Variants in CTDSPL observed in about 807,000 individuals in gnomAD.
The protein encoded by CTDSPL is CTD small phosphatase-like protein.
Under a neutral mutation model 30.5 loss-of-function variants are expected in CTDSPL, and 8 were observed. That is an observed-to-expected ratio of 0.26 (90% CI 0.15 to 0.47). CTDSPL has a LOEUF of 0.47. Among genes scored for constraint, CTDSPL ranks in the 20% least tolerant of loss-of-function variants. The pLI is 0.99. For synonymous variants in CTDSPL, 110 were observed against 137.9 expected, an observed-to-expected ratio of 0.80 and a Z score of 1.42; for missense variants, 248 against 366.1, an observed-to-expected ratio of 0.68 and a Z score of 2.63.
In CTDSPL at chr3:37,964,626, G is replaced by A. The variant is rs923359918; in HGVS notation, c.323G>A (p.Cys108Tyr). 1 of 1,613,894 alleles carries A rather than the reference G, an allele frequency of 6.2e-7. No homozygotes were observed. The highest frequency in any genetic ancestry group is 8.5e-7 in the Non-Finnish European group (1 of 1,179,960). ...EVTVLDYGKK[C>Y]VVIDLDETLV... ...ACGGTGCTTGACTATGGAAAGAAAT[G>A]TGTGGTCATTGATTTAGATGAAACA... Residue 108 changes from cysteine to tyrosine, a missense_variant, in exon 4 of 8, where the codon TGT becomes TAT. By Grantham distance (194) the Cys-to-Tyr change is radical. Around this residue, in one of 4 missense-constraint regions of CTDSPL, gnomAD observed 45 missense variants for 83.1 expected, o/e 0.54. Coordinates refer to ENST00000273179, the MANE Select transcript of CTDSPL (RefSeq NM_001008392.2).
intron 1 of CTDSPL, among the ~76,000 whole-genome samples, chr3:37,871,449 T>C (rs1475906858): frequency 6.6e-6 from 1 of 152,084 alleles, no homozygotes; most frequent in Admixed American, 6.5e-5. Flanking sequence ...GATTTAAGTT[T>C]TCAGCTCTTT....
At chr3:37,953,965 A>G (rs1255314027) in intron 2 of CTDSPL, among the ~76,000 whole-genome samples, 5 of 152,230 alleles carry the variant, frequency 3.3e-5, no homozygotes, top group Non-Finnish European at 7.3e-5. Context: ...ACCAAAGTTG[A>G]TTCAAATCAT....
At chr3:37,869,261 T>G (rs1036886574) in intron 1 of CTDSPL, among the ~76,000 whole-genome samples, 16 of 152,068 alleles carry the variant, frequency 1.1e-4, no homozygotes, top group African/African-American at 3.1e-4. Flanking sequence ...TCTCAAACAT[T>G]TATCATTTCT....
At chr3:37,973,532 T>C (rs1359027120) in intron 6 of CTDSPL, among the ~76,000 whole-genome samples, 2 of 152,152 alleles carry the variant, frequency 1.3e-5, no homozygotes, top group African/African-American at 4.8e-5. Context: ...CCTTCCACCC[T>C]CTTTCCTCGC....
rs542225637 is a variant in CTDSPL, at chr3:37,903,486, A to G, written c.79+41208A>G. On this transcript the variant is annotated intron_variant, in intron 1 of 7. Transcript: ENST00000273179. The stretch of plus-strand genomic sequence containing the variant: ...GATTCTGGTAACACAGGATGTGTGA[A>G]CTTATGTTCATTGACCAGGACCTGA... 2.0e-5 allele frequency among the ~76,000 whole-genome samples: 3 copies of G among 152,304 alleles called. No individual in the cohort carries two copies. The South Asian group carries it at 6.2e-4, about 32-fold the overall frequency.
At chr3:37,885,512 C>G (rs1265287570) in intron 1 of CTDSPL, among the ~76,000 whole-genome samples, 4 of 152,082 alleles carry the variant, frequency 2.6e-5, no homozygotes, top group Non-Finnish European at 5.9e-5. Flanking sequence ...ATGAAGAGAC[C>G]TAGTAGTGTC....
chr3:37,864,341 A>G (rs1434695006), intron 1 of CTDSPL, among the ~76,000 whole-genome samples: 3 of 152,222 alleles, frequency 2.0e-5, no homozygotes, highest in African/African-American at 4.8e-5. Flanking sequence ...AATCCAAACC[A>G]TGTACAAATA....
At chr3:37,973,531 C>G (rs1699391805) in intron 6 of CTDSPL, among the ~76,000 whole-genome samples, 1 of 152,238 alleles carries the variant, frequency 6.6e-6, no homozygotes. Flanking sequence ...GCCTTCCACC[C>G]TCTTTCCTCG....
rs561772283 is a variant in CTDSPL at position 37,957,494 on chromosome 3, G to A, written c.267+351G>A. On this transcript the variant is annotated intron_variant, in intron 3 of 7. Transcript: ENST00000273179. ...CTTAGCCTCAACTCCATAGATTGGC[G>A]GGAACATTGTTTTGCCCAGACCCAG... 2.9e-4 allele frequency among the ~76,000 whole-genome samples: 44 copies of A among 152,224 alleles called. 1 individual carries two copies. The South Asian group carries it at 8.5e-3, about 30-fold the overall frequency.
At chr3:37,903,750 G>T (rs1032455957) in intron 1 of CTDSPL, among the ~76,000 whole-genome samples, 9 of 152,108 alleles carry the variant, frequency 5.9e-5, no homozygotes, top group Non-Finnish European at 2.9e-5. Context: ...AGCTTCTTGG[G>T]GACAAAAGCC....
At chr3:37,863,601 G>A (rs1575271740) in intron 1 of CTDSPL, among the ~76,000 whole-genome samples, 1 of 152,216 alleles carries the variant, frequency 6.6e-6, no homozygotes, top group Non-Finnish European at 1.5e-5. Flanking sequence ...TCTCCAGGCC[G>A]GAGCTGGCCA....
intron 1 of CTDSPL, among the ~76,000 whole-genome samples, chr3:37,941,184 C>T (rs1698973260): frequency 6.7e-6 from 1 of 150,198 alleles, no homozygotes; most frequent in African/African-American, 2.4e-5. Context: ...TACCCTGTTC[C>T]TCCAGTGGAT....
At chr3:37,909,701 T>G (rs1698558630) in intron 1 of CTDSPL, among the ~76,000 whole-genome samples, 1 of 152,190 alleles carries the variant, frequency 6.6e-6, no homozygotes, top group Non-Finnish European at 1.5e-5. Flanking sequence ...CTGGAAGAAA[T>G]TCTGGCCCTT....
intron 4 of CTDSPL, among the ~76,000 whole-genome samples, chr3:37,965,795 T>C (rs1475899169): frequency 6.6e-6 from 1 of 152,164 alleles, no homozygotes; most frequent in Non-Finnish European, 1.5e-5. Context: ...TTGAGTCCTT[T>C]GAAGAGTGGA....
At chr3:37,938,687 T>TTG (rs1334960661) in intron 1 of CTDSPL, among the ~76,000 whole-genome samples, 1 of 148,440 alleles carries the variant, frequency 6.7e-6, no homozygotes, top group Admixed American at 6.8e-5. Flanking sequence ...GGGTTTTTTT[T>TTG]TTGTTTTTTT....
intron 1 of CTDSPL, among the ~76,000 whole-genome samples, chr3:37,927,678 G>A (rs7642522): frequency 0.12 from 12,313 of 100,946 alleles, 808 homozygotes; most frequent in African/African-American, 0.27. Context: ...GTGTGTGTGT[G>A]TATGTGTATA....
Position 37,982,542 on chromosome 3 carries a change from T to G in CTDSPL, c.*1675T>G, listed in dbSNP as rs1415220703. 4 of 456,580 alleles carry G rather than the reference T, an allele frequency of 8.8e-6. 1 individual carries two copies. Among genetic ancestry groups the G allele is most frequent in the South Asian group, 4.6e-5 (3 of 64,572 alleles). The allele number at this position is 456,580 out of a possible 1,614,324, so 28.3% of individuals were successfully genotyped here. ...AAATCGGGGGTCAAAGTAAAATATC[T>G]TTGTTTTGCTTTCATTCACAAAGTA... is the stretch of plus-strand genomic sequence containing the variant. On this transcript the variant is annotated 3_prime_UTR_variant, in exon 8 of 8. Coordinates refer to ENST00000273179, the MANE Select transcript of CTDSPL (RefSeq NM_001008392.2).
chr3:37,883,138 T>C (rs958198600), intron 1 of CTDSPL, among the ~76,000 whole-genome samples: 4 of 152,180 alleles, frequency 2.6e-5, no homozygotes, highest in Non-Finnish European at 5.9e-5. Flanking sequence ...TGAAATCATA[T>C]TGGAAAGAGA....
chr3:37,875,009 C>G (rs147817089), intron 1 of CTDSPL, among the ~76,000 whole-genome samples: 2 of 152,228 alleles, frequency 1.3e-5, no homozygotes, highest in East Asian at 3.9e-4. Context: ...TAATTCTTCC[C>G]TTTAATTTCT....
Sources: gnomAD v4.1 joint callset for allele counts (sites outside exome capture counted in the v4.1 genomes callset) on GRCh38, gnomAD v4.1.1 for gene constraint, gnomAD v4.1.1 regional missense constraint, MANE v1.5 for transcripts, NCBI Gene and HGNC (gene_info 2026-07-23, HGNC 2026-07-21) for gene names.